The following KCNMA1 variants were observed in gnomAD, a reference collection of about 807,000 sequenced individuals.
KCNMA1 encodes potassium calcium-activated channel subfamily M alpha 1, also known as Calcium-activated potassium channel subunit alpha-1.
Under a neutral mutation model 140.0 loss-of-function variants are expected in KCNMA1, and 29 were observed. The ratio of observed to expected loss-of-function variants is 0.21; its 90% CI spans 0.15 to 0.28. KCNMA1 has a LOEUF of 0.28. Ranked by LOEUF, KCNMA1 falls within the 10% of genes least tolerant of loss-of-function variation. The pLI, the probability that KCNMA1 is intolerant of heterozygous loss-of-function variation, is 1.00. For synonymous variants in KCNMA1, 612 were observed against 611.9 expected (o/e 1.00, Z 0.00); for missense variants, 880 against 1,602.2 (o/e 0.55, Z 7.70).
intron 1 of KCNMA1, among the ~76,000 whole-genome samples, chr10:77,444,202 T>C (rs762701493): frequency 1.3e-5 from 2 of 152,214 alleles, no homozygotes; most frequent in Non-Finnish European, 2.9e-5. Context: ...GAGGCTCTAA[T>C]TTAGAAAGGT....
chr10:77,312,566 T>C (rs941349490), intron 2 of KCNMA1, among the ~76,000 whole-genome samples: 4 of 152,170 alleles, frequency 2.6e-5, no homozygotes, highest in Non-Finnish European at 1.5e-5. Context: ...ACGGAGATTG[T>C]AGTGAGCTGA....
At position 77,322,191 on chromosome 10, in the gene KCNMA1, G is replaced by A. The variant is rs902649002; in HGVS notation, c.541-70935C>T. On this transcript the variant is annotated intron_variant, in intron 2 of 27. Transcript: ENST00000286628. ...GCAGGTAGAGGCATTTTACTGACTC[G>A]GACTAGGAGGGACATATATTATTTC... is the stretch of plus-strand genomic sequence containing the variant. 6.6e-5 allele frequency among the ~76,000 whole-genome samples: 10 copies of A among 152,114 alleles called. 1 individual carries two copies. The highest frequency in any genetic ancestry group is 2.2e-4 in the African/African-American group (9 of 41,430).
Position 76,905,668 on chromosome 10 carries a change from G to A in KCNMA1, c.3147+4298C>T, listed in dbSNP as rs148929215. On this transcript the variant is annotated intron_variant, in intron 25 of 27. Transcript: ENST00000286628. ...TGTCAGCTTCAATGTTACCTCCTAG[G>A]ATAATTTTACTCTGACCACTGAGGG... 1.1e-3 allele frequency among the ~76,000 whole-genome samples: 170 copies of A among 152,176 alleles called. 1 individual carries two copies. In the Middle Eastern group the frequency reaches 0.024, roughly 21 times the overall value.
chr10:77,573,440 T>C (rs2072508481), intron 1 of KCNMA1, among the ~76,000 whole-genome samples: 1 of 152,128 alleles, frequency 6.6e-6, no homozygotes, highest in Non-Finnish European at 1.5e-5. Context: ...TACAGTTGCA[T>C]TTGGCCTCAG....
At chr10:77,194,051 C>T (rs1163223622) in intron 3 of KCNMA1, among the ~76,000 whole-genome samples, 1 of 152,122 alleles carries the variant, frequency 6.6e-6, no homozygotes, top group Non-Finnish European at 1.5e-5. Context: ...CAACCCCTAG[C>T]CATTGGGGAG....
At chr10:76,970,253 C>A in intron 19 of KCNMA1, 186 bp from the exon 20 acceptor site, 3 of 611,320 alleles carry the variant, frequency 4.9e-6, no homozygotes, top group Admixed American at 2.2e-5. Context: ...AAGGTGAAGG[C>A]AACACCTCTT....
intron 20 of KCNMA1, among the ~76,000 whole-genome samples, chr10:76,962,340 C>T (rs935824972): frequency 1.3e-5 from 2 of 152,154 alleles, no homozygotes; most frequent in Non-Finnish European, 2.9e-5. Context: ...GCTTGATTTT[C>T]GAGACCTCAT....
At chr10:77,392,107 G>C (rs988110096) in intron 2 of KCNMA1, among the ~76,000 whole-genome samples, 1 of 143,670 alleles carries the variant, frequency 7.0e-6, no homozygotes, top group East Asian at 2.2e-4. Context: ...AGGAGGGAGG[G>C]AAGGACGGAG....
intron 1 of KCNMA1, among the ~76,000 whole-genome samples, chr10:77,491,136 C>G (rs990627015): frequency 6.6e-6 from 1 of 152,196 alleles, no homozygotes; most frequent in African/African-American, 2.4e-5. Flanking sequence ...GTCCTGAATC[C>G]AAAATCCCCC....
intron 1 of KCNMA1, among the ~76,000 whole-genome samples, chr10:77,570,763 T>G (rs2070911720): frequency 6.8e-6 from 1 of 147,428 alleles, no homozygotes; most frequent in South Asian, 2.2e-4. Context: ...AAATTACTTT[T>G]GAATGGGAAA....
intron 3 of KCNMA1, among the ~76,000 whole-genome samples, chr10:77,195,711 G>A (rs1244381760): frequency 6.6e-6 from 1 of 152,094 alleles, no homozygotes; most frequent in African/African-American, 2.4e-5. Flanking sequence ...CACTTTGGGA[G>A]GCCGAGGCAG....
In KCNMA1 at chr10:76,887,378, C is replaced by T; in HGVS notation, c.3599G>A (p.Ser1200Asn). The change falls in exon 28 of 28, where the codon AGC becomes AAC. Residue 1200 changes from serine (S) to asparagine (N), a missense_variant. Ser to Asn is a conservative substitution (Grantham distance 46). This residue lies in a region of KCNMA1 where 115 missense variants were observed against 139.9 expected (regional missense o/e 0.82). Transcript: ENST00000286628. Reference sequence around the variant, plus strand: ...GGAGTGAACAGAGGAGCTCTTCTTGCTGGAGGACTGCGACGAGTGGGAGGA... The same window carrying T: ...GGAGTGAACAGAGGAGCTCTTCTTGTTGGAGGACTGCGACGAGTGGGAGGA... ...SHSSHSSQSSSKKSSSVHSIP... is the reference protein window; with the variant it reads ...SHSSHSSQSSNKKSSSVHSIP... 6.2e-7 allele frequency: 1 copy of T among 1,614,126 alleles called. No homozygotes were observed. Among genetic ancestry groups the T allele is most frequent in the Non-Finnish European group, 8.5e-7 (1 of 1,180,022 alleles).
At chr10:76,881,119 T>G (rs2034493422), downstream of KCNMA1, among the ~76,000 whole-genome samples, 1 of 152,170 alleles carries the variant, frequency 6.6e-6, no homozygotes, top group Non-Finnish European at 1.5e-5. Flanking sequence ...CAATTGCCAC[T>G]GCCATTGGCA....
chr10:76,894,003 C>T (rs2041406201), intron 25 of KCNMA1, among the ~76,000 whole-genome samples: 1 of 151,858 alleles, frequency 6.6e-6, no homozygotes, highest in Admixed American at 6.6e-5. Context: ...TGCAACAGAC[C>T]CAAAATAGCC....
At chr10:77,416,708 G>A (rs919032696) in intron 1 of KCNMA1, among the ~76,000 whole-genome samples, 1 of 152,112 alleles carries the variant, frequency 6.6e-6, no homozygotes, top group African/African-American at 2.4e-5. Context: ...CATCACACAC[G>A]TGTGCTTATT....
At chr10:77,459,434 T>A (rs1678726149) in intron 1 of KCNMA1, among the ~76,000 whole-genome samples, 1 of 152,210 alleles carries the variant, frequency 6.6e-6, no homozygotes, top group African/African-American at 2.4e-5. Context: ...ATGCAGCAAC[T>A]ATACAAACAC....
rs140014695 is a variant in KCNMA1 at position 77,183,299 on chromosome 10, G to A, written c.808+122C>T. 202 of 738,448 alleles carry A rather than the reference G, an allele frequency of 2.7e-4. 1 individual carries two copies. The highest frequency in any genetic ancestry group is 2.1e-3 in the African/African-American group (121 of 57,746). The allele number at this position is 738,448 out of a possible 1,614,324, so 45.7% of individuals were successfully genotyped here. A position where few individuals can be genotyped will look rare whatever the true frequency, so the allele number is the denominator to read the frequency against. On this transcript the variant is annotated intron_variant, in intron 5 of 27. Coordinates refer to ENST00000286628, the MANE Select transcript of KCNMA1 (RefSeq NM_001161352.2). ...TCAACTTCTAAAACTCCAAGAGCCC[G>A]TTGTTCACATTAATACATACAACAT...
intron 23 of KCNMA1, among the ~76,000 whole-genome samples, chr10:76,943,074 T>G (rs1029821727): frequency 6.6e-6 from 1 of 152,148 alleles, no homozygotes; most frequent in Non-Finnish European, 1.5e-5. Context: ...AGAGGACACA[T>G]ATTGAAAGTC....
chr10:77,602,020 G>T (rs939219007), intron 1 of KCNMA1, among the ~76,000 whole-genome samples: 1 of 152,130 alleles, frequency 6.6e-6, no homozygotes. Flanking sequence ...ATTCTAAATG[G>T]CACTGAGAAT....
Sources: gnomAD v4.1 joint callset for allele counts (sites outside exome capture counted in the v4.1 genomes callset) on GRCh38, gnomAD v4.1.1 for gene constraint, gnomAD v4.1.1 regional missense constraint, MANE v1.5 for transcripts, NCBI Gene and HGNC (gene_info 2026-07-23, HGNC 2026-07-21) for gene names.